ABAT: variants seen among roughly 807,000 people sequenced by gnomAD.
The protein encoded by ABAT is 4-aminobutyrate aminotransferase, mitochondrial.
Under a neutral mutation model 64.6 loss-of-function variants are expected in ABAT, and 45 were observed. The ratio of observed to expected loss-of-function variants is 0.70; its 90% CI spans 0.55 to 0.89. The LOEUF (loss-of-function observed/expected upper bound fraction) is 0.89, where lower values mean the gene tolerates loss of function less well. ABAT is among the 40% of genes least tolerant of loss of function. The probability of loss-of-function intolerance (pLI) is 0.00; values close to 1 mark genes in which losing one functional copy is unlikely to be tolerated. For missense variants in ABAT, 633 were observed against 658.4 expected (o/e 0.96, Z 0.42); for synonymous variants, 297 against 250.5 (o/e 1.19, Z -1.75).
At chr16:8,759,152 G>A (rs553896957) in intron 6 of ABAT, among the ~76,000 whole-genome samples, 2 of 151,938 alleles carry the variant, frequency 1.3e-5, no homozygotes, top group Non-Finnish European at 2.9e-5. Flanking sequence ...CACCCATGCA[G>A]GCATGCATAC....
chr16:8,715,116 T>G (rs992385995), intron 1 of ABAT: 3 of 152,238 alleles, frequency 2.0e-5, no homozygotes, highest in African/African-American at 7.2e-5. Context: ...TCTCCACATT[T>G]GCCCGTGAGC....
At chr16:8,688,606 C>G (rs2057510579) in intron 1 of ABAT, among the ~76,000 whole-genome samples, 1 of 152,172 alleles carries the variant, frequency 6.6e-6, no homozygotes, top group Non-Finnish European at 1.5e-5. Flanking sequence ...CCTGTGGACC[C>G]CTTTGCCTCA....
intron 1 of ABAT, chr16:8,714,012 A>C (rs2058141869): frequency 2.3e-6 from 1 of 429,166 alleles, no homozygotes; most frequent in Non-Finnish European, 4.8e-6. Flanking sequence ...ACCCTTGTGC[A>C]TCTGTGTACA....
In ABAT at chr16:8,745,079, C is replaced by T. The variant is rs528400544; in HGVS notation, c.71-922C>T. On this transcript the variant is annotated intron_variant, in intron 2 of 15. Transcript: ENST00000268251. ...CTCACTGCAGCCTCAACCTCTCAGG[C>T]TGAAGCAATCCTCCCACCTCAGCCT... Among the ~76,000 whole-genome samples the T allele has an allele frequency of 3.2e-3, 488 of 152,168 alleles. 2 individuals are homozygous for T. Among genetic ancestry groups the T allele is most frequent in the African/African-American group, 0.011 (472 of 41,534 alleles).
intron 1 of ABAT, among the ~76,000 whole-genome samples, chr16:8,704,163 T>C (rs1241714558): frequency 6.6e-6 from 1 of 152,244 alleles, no homozygotes; most frequent in East Asian, 1.9e-4. Flanking sequence ...TATTTCCACC[T>C]GGGAACTAGA....
At chr16:8,687,795 A>G (rs1192171980) in intron 1 of ABAT, among the ~76,000 whole-genome samples, 1 of 152,202 alleles carries the variant, frequency 6.6e-6, no homozygotes, top group African/African-American at 2.4e-5. Flanking sequence ...ATTTCTGTCC[A>G]GGCCTCAGTT....
chr16:8,721,844 T>C (rs1234687377), intron 1 of ABAT, among the ~76,000 whole-genome samples: 1 of 152,124 alleles, frequency 6.6e-6, no homozygotes, highest in African/African-American at 2.4e-5. Flanking sequence ...GAGAGCTAAT[T>C]TGCATTTTAA....
intron 1 of ABAT, among the ~76,000 whole-genome samples, chr16:8,717,295 G>A (rs2058241118): frequency 6.6e-6 from 1 of 152,010 alleles, no homozygotes; most frequent in South Asian, 2.1e-4. Flanking sequence ...CATCTCAAAA[G>A]TAATAATAAT....
At chr16:8,731,833 T>A (rs553781857) in intron 1 of ABAT, among the ~76,000 whole-genome samples, 2,199 of 151,980 alleles carry the variant, frequency 0.014, 58 homozygotes, top group African/African-American at 0.05. Context: ...CTCGGCAACC[T>A]CTTTTTCCTC....
intron 5 of ABAT, among the ~76,000 whole-genome samples, chr16:8,753,961 G>A (rs796541853): frequency 2.8e-4 from 43 of 152,096 alleles, no homozygotes; most frequent in Middle Eastern, 3.4e-3. Context: ...AGGAGTGCGC[G>A]GCCCAGGCTC....
chr16:8,681,644 T>A, intron 1 of ABAT, among the ~76,000 whole-genome samples: 1 of 26,570 alleles, frequency 3.8e-5, no homozygotes, highest in Non-Finnish European at 9.8e-5. Flanking sequence ...CTGCTATCTT[T>A]TTTTTTTTTT....
At chr16:8,741,819 A>G (rs1286048328) in intron 2 of ABAT, among the ~76,000 whole-genome samples, 2 of 152,202 alleles carry the variant, frequency 1.3e-5, no homozygotes, top group Non-Finnish European at 2.9e-5. Context: ...TGACTCTTCA[A>G]CTCACTAGCT....
intron 1 of ABAT, among the ~76,000 whole-genome samples, chr16:8,727,484 G>A (rs2058593374): frequency 6.6e-6 from 1 of 152,058 alleles, no homozygotes; most frequent in African/African-American, 2.4e-5. Context: ...ACACCTCCCT[G>A]ACATTGTCAC....
rs1379134544 is a variant in ABAT, at chr16:8,772,851, G to T, written c.888G>T (p.Gln296His). The T allele has an allele frequency of 6.2e-7, 1 of 1,614,020 alleles. No individual in the cohort carries two copies. The highest frequency in any genetic ancestry group is 1.3e-5 in the African/African-American group (1 of 74,916). The change falls in exon 12 of 16, where the codon CAG (glutamine) becomes CAT (histidine). Residue 296 changes from glutamine to histidine, a missense_variant. Physicochemically the swap from Gln to His is conservative, Grantham distance 24. Coordinates refer to ENST00000268251, the MANE Select transcript of ABAT (RefSeq NM_020686.6). ...CCGGGATCATCGTGGAGCCCATCCA[G>T]TCCGAGGGTGGAGACAACCACGCAT... ...TVAGIIVEPI[Q>H]SEGGDNHASD...
At chr16:8,736,680 C>T (rs896752422) in intron 2 of ABAT, 1 of 152,324 alleles carries the variant, frequency 6.6e-6, no homozygotes, top group Non-Finnish European at 1.5e-5. Flanking sequence ...TTCTGTTTGA[C>T]GTCTTTGAGA....
chr16:8,773,535 C>T (rs986737993), intron 12 of ABAT, among the ~76,000 whole-genome samples: 1 of 152,156 alleles, frequency 6.6e-6, no homozygotes, highest in African/African-American at 2.4e-5. Context: ...ATATCCATCA[C>T]CTAAAATATT....
At chr16:8,678,283 G>A (rs2057250924) in intron 1 of ABAT, among the ~76,000 whole-genome samples, 3 of 152,062 alleles carry the variant, frequency 2.0e-5, no homozygotes, top group South Asian at 4.2e-4. Context: ...AGGCTTAAGC[G>A]ATCCTCCCGC....
chr16:8,675,768 C>A (rs562247626), intron 1 of ABAT, among the ~76,000 whole-genome samples: 2 of 152,216 alleles, frequency 1.3e-5, no homozygotes, highest in Admixed American at 1.3e-4. Context: ...ACCTCTCCCC[C>A]GCTCCCTGCC....
chr16:8,731,644 T>A (rs950188210), intron 1 of ABAT: 1 of 152,014 alleles, frequency 6.6e-6, no homozygotes, highest in African/African-American at 2.4e-5. Flanking sequence ...TTTTTTTTTT[T>A]TAATTGTTAT....
Sources: allele counts gnomAD v4.1 joint callset (sites outside exome capture counted in the v4.1 genomes callset), GRCh38; gene constraint gnomAD v4.1.1; transcripts MANE v1.5; gene names NCBI Gene and HGNC (gene_info 2026-07-23, HGNC 2026-07-21).